RGL1: variants seen among roughly 807,000 people sequenced by gnomAD.
RGL1 encodes ral guanine nucleotide dissociation stimulator like 1.
A neutral mutation model predicts 95.2 loss-of-function variants in RGL1; 24 were observed. The ratio of observed to expected loss-of-function variants is 0.25; its 90% CI spans 0.18 to 0.35. RGL1 has a LOEUF of 0.35. RGL1 is among the 10% of genes least tolerant of loss of function. RGL1 has a pLI of 1.00. For synonymous variants in RGL1, 329 were observed against 344.9 expected, an observed-to-expected ratio of 0.95 and a Z score of 0.51; for missense variants, 715 against 936.3, an observed-to-expected ratio of 0.76 and a Z score of 3.08.
At chr1:183,736,096 T>C (rs1656919815) in intron 1 of RGL1, among the ~76,000 whole-genome samples, 1 of 152,238 alleles carries the variant, frequency 6.6e-6, no homozygotes, top group Non-Finnish European at 1.5e-5. Flanking sequence ...TTTTGGGTTA[T>C]CTCTGAATAG....
intron 1 of RGL1, among the ~76,000 whole-genome samples, chr1:183,710,723 A>C (rs1343734672): frequency 6.6e-6 from 1 of 152,150 alleles, no homozygotes; most frequent in Non-Finnish European, 1.5e-5. Context: ...GAAGTATCAG[A>C]TCTCATGAGA....
chr1:183,654,992 A>T (rs974387717), intron 1 of RGL1, among the ~76,000 whole-genome samples: 1 of 152,216 alleles, frequency 6.6e-6, no homozygotes, highest in Non-Finnish European at 1.5e-5. Flanking sequence ...ATTGACATGT[A>T]TTGGAAAGGA....
chr1:183,810,094 A>G (rs1661606696), intron 2 of RGL1, among the ~76,000 whole-genome samples: 1 of 152,226 alleles, frequency 6.6e-6, no homozygotes, highest in Non-Finnish European at 1.5e-5. Flanking sequence ...GAAAAGAGTT[A>G]AGAAAATATC....
intron 3 of RGL1, among the ~76,000 whole-genome samples, chr1:183,854,871 A>G (rs1395179365): frequency 6.6e-6 from 1 of 152,220 alleles, no homozygotes; most frequent in Non-Finnish European, 1.5e-5. Flanking sequence ...TAAAGTTTGA[A>G]CATGATAATA....
chr1:183,796,588 G>A (rs1660713642), intron 2 of RGL1, among the ~76,000 whole-genome samples: 1 of 152,152 alleles, frequency 6.6e-6, no homozygotes, highest in Non-Finnish European at 1.5e-5. Context: ...GTGGGACTAG[G>A]ACTCAAATCT....
intron 2 of RGL1, among the ~76,000 whole-genome samples, chr1:183,792,206 A>T (rs1292482558): frequency 6.6e-6 from 1 of 151,266 alleles, no homozygotes; most frequent in East Asian, 1.9e-4. Flanking sequence ...TCTGTCATTT[A>T]CTTGCAACAT....
chr1:183,900,310 C>T (rs916181116), intron 11 of RGL1, 74 bp downstream of exon 11: 1 of 1,208,882 alleles, frequency 8.3e-7, no homozygotes, highest in South Asian at 1.2e-5. Flanking sequence ...GTTAACTTCT[C>T]TTAGTATCTT....
intron 16 of RGL1, among the ~76,000 whole-genome samples, chr1:183,918,840 C>G (rs1669147244): frequency 6.6e-6 from 1 of 152,234 alleles, no homozygotes; most frequent in Admixed American, 6.5e-5. Context: ...AGACGACACA[C>G]TGCTCTCGTG....
At chr1:183,753,344 A>G (rs184152157) in intron 2 of RGL1, among the ~76,000 whole-genome samples, 162 of 152,126 alleles carry the variant, frequency 1.1e-3, no homozygotes, top group Non-Finnish European at 1.7e-3. Flanking sequence ...CATTTTTTCA[A>G]TGTCTTGCTT....
At chr1:183,743,392 A>C (rs1304019073) in intron 2 of RGL1, among the ~76,000 whole-genome samples, 1 of 137,392 alleles carries the variant, frequency 7.3e-6, no homozygotes, top group Non-Finnish European at 1.6e-5. Context: ...ATAGCATAGA[A>C]ACGTAATAGG....
At chr1:183,772,124 A>C (rs1659312532) in intron 2 of RGL1, among the ~76,000 whole-genome samples, 1 of 152,150 alleles carries the variant, frequency 6.6e-6, no homozygotes. Flanking sequence ...ACTCAATAAA[A>C]CTTTGCACTT....
chr1:183,847,481 G>A, intron 2 of RGL1, 85 bp from the exon 3 acceptor site: 2 of 1,073,384 alleles, frequency 1.9e-6, no homozygotes, highest in Non-Finnish European at 2.8e-6. Flanking sequence ...AACATAACAG[G>A]CTATGGCCTT....
intron 1 of RGL1, among the ~76,000 whole-genome samples, chr1:183,708,511 A>G (rs1175047932): frequency 1.3e-5 from 2 of 152,166 alleles, no homozygotes; most frequent in Non-Finnish European, 2.9e-5. Flanking sequence ...ACCCCAGAAG[A>G]CTGGGACCGT....
In RGL1 at chr1:183,766,422, A is replaced by C. The variant is rs149176181; in HGVS notation, c.132+24133A>C. Among the ~76,000 whole-genome samples, 442 of 152,302 alleles carry C rather than the reference A, an allele frequency of 2.9e-3. 4 individuals carry two copies. Among genetic ancestry groups the C allele is most frequent in the African/African-American group, 0.01 (425 of 41,570 alleles). On this transcript the variant is annotated intron_variant, in intron 2 of 18. Coordinates refer to the RGL1 transcript ENST00000304685. ...AACACAGCTAAAGTAATTTGAGAGA[A>C]ACTCCAGTCAATATAATTTTCTAAA... is the stretch of plus-strand genomic sequence containing the variant.
chr1:183,748,388 C>G (rs1233395189), intron 2 of RGL1, among the ~76,000 whole-genome samples: 1 of 123,964 alleles, frequency 8.1e-6, no homozygotes, highest in African/African-American at 3.1e-5. Flanking sequence ...GTTTGCTTCT[C>G]TAGTTCTTTT....
At chr1:183,894,460 G>A (rs1219273974) in intron 9 of RGL1, among the ~76,000 whole-genome samples, 1 of 152,200 alleles carries the variant, frequency 6.6e-6, no homozygotes, top group Non-Finnish European at 1.5e-5. Context: ...ATAGTGAAAT[G>A]CTTTGGGCAG....
chr1:183,820,769 T>C (rs970682418), intron 2 of RGL1, among the ~76,000 whole-genome samples: 1 of 152,228 alleles, frequency 6.6e-6, no homozygotes, highest in African/African-American at 2.4e-5. Flanking sequence ...CCTATAGTGA[T>C]CACATGTTAA....
At chr1:183,662,551 G>A (rs1042160059) in intron 1 of RGL1, among the ~76,000 whole-genome samples, 3 of 152,116 alleles carry the variant, frequency 2.0e-5, no homozygotes, top group Non-Finnish European at 4.4e-5. Context: ...ACTGCTCACT[G>A]AAATAAAAGA....
intron 2 of RGL1, among the ~76,000 whole-genome samples, chr1:183,836,483 G>A (rs1572480258): frequency 6.6e-6 from 1 of 151,640 alleles, no homozygotes; most frequent in Admixed American, 6.6e-5. Context: ...TGGCCAGGAT[G>A]ATCTCGAACT....
Sources: gnomAD v4.1 joint callset for allele counts (sites outside exome capture counted in the v4.1 genomes callset) on GRCh38, gnomAD v4.1.1 for gene constraint, MANE v1.5 for transcripts, NCBI Gene and HGNC (gene_info 2026-07-23, HGNC 2026-07-21) for gene names.